FOCAD: variants seen among roughly 807,000 people sequenced by gnomAD.
The protein encoded by FOCAD is KIAA1797.
Under a neutral mutation model 225.6 loss-of-function variants are expected in FOCAD, and 198 were observed. The ratio of observed to expected loss-of-function variants is 0.88; its 90% CI spans 0.78 to 0.99. The LOEUF (loss-of-function observed/expected upper bound fraction) is 0.99, where lower values mean the gene tolerates loss of function less well. Among genes scored for constraint, FOCAD ranks in the 50% least tolerant of loss-of-function variants. The pLI is 0.00. For missense variants in FOCAD, 2,713 were observed against 2,123.6 expected (o/e 1.28, Z -5.46); for synonymous variants, 897 against 755.0 (o/e 1.19, Z -3.08).
chr9:20,801,734 A>G (rs1821860843), intron 11 of FOCAD, among the ~76,000 whole-genome samples: 1 of 152,024 alleles, frequency 6.6e-6, no homozygotes, highest in Non-Finnish European at 1.5e-5. Context: ...TTTCTATTGT[A>G]TTTCAGATTT....
At chr9:20,659,424 G>GAAAGAA (rs1821640398) in intron 2 of FOCAD, among the ~76,000 whole-genome samples, 3 of 140,354 alleles carry the variant, frequency 2.1e-5, no homozygotes, top group African/African-American at 8.3e-5. Flanking sequence ...AGAAAGAAAG[G>GAAAGAA]AGAAAGAAAG....
chr9:20,691,262 A>G (rs920495722), intron 1 of FOCAD, among the ~76,000 whole-genome samples: 2 of 151,930 alleles, frequency 1.3e-5, no homozygotes, highest in African/African-American at 4.8e-5. Flanking sequence ...TTCTTAAAGC[A>G]CTTTCTTCCC....
chr9:20,738,266 G>A (rs546084003), intron 4 of FOCAD, among the ~76,000 whole-genome samples: 57 of 152,290 alleles, frequency 3.7e-4, no homozygotes, highest in African/African-American at 1.3e-3. Flanking sequence ...GGTCCTCAAG[G>A]AGATGCCATG....
intron 15 of FOCAD, among the ~76,000 whole-genome samples, chr9:20,824,792 T>C (rs946182010): frequency 6.6e-6 from 1 of 152,118 alleles, no homozygotes; most frequent in Non-Finnish European, 1.5e-5. Context: ...TACCACTAAT[T>C]AGTTAAGTTC....
intron 35 of FOCAD, among the ~76,000 whole-genome samples, chr9:20,968,691 G>A (rs992805141): frequency 4.0e-5 from 6 of 151,512 alleles, no homozygotes; most frequent in African/African-American, 9.7e-5. Flanking sequence ...TGCCCACCTC[G>A]GCCTCCCAAA....
chr9:20,820,794 A>G (rs1564030569), intron 13 of FOCAD, 147 bp from the exon 14 acceptor site: 2 of 864,160 alleles, frequency 2.3e-6, no homozygotes. Flanking sequence ...TAATCACTAT[A>G]GCAATCTTCT....
intron 1 of FOCAD, among the ~76,000 whole-genome samples, chr9:20,696,919 G>A (rs1049023475): frequency 6.6e-6 from 1 of 152,182 alleles, no homozygotes; most frequent in Admixed American, 6.5e-5. Flanking sequence ...TGGTGCCAAT[G>A]TAAAAGTCGG....
In FOCAD at chr9:20,740,434, A is replaced by T. The variant is rs17685673; in HGVS notation, c.392+94A>T. 0.34 allele frequency: 245,832 copies of T among 723,002 alleles called. 45,688 individuals are homozygous for T. The highest frequency in any genetic ancestry group is 0.39 in the Non-Finnish European group (169,027 of 438,270). The allele number at this position is 723,002 out of a possible 1,614,324, so 44.8% of individuals were successfully genotyped here. ...ATAATCCAGTAAGAATTAGTTATTTAATTCAGCAGGATATGCACACAGTGA... is the reference window on the plus strand; with the variant it reads ...ATAATCCAGTAAGAATTAGTTATTTTATTCAGCAGGATATGCACACAGTGA... On this transcript the variant is annotated intron_variant, in intron 5 of 43. Transcript: ENST00000338382.
intron 21 of FOCAD, among the ~76,000 whole-genome samples, chr9:20,903,067 C>A (rs940240807): frequency 6.6e-6 from 1 of 151,802 alleles, no homozygotes; most frequent in African/African-American, 2.4e-5. Context: ...CACATTCCTC[C>A]AACCAGCACC....
intron 4 of FOCAD, 82 bp from the exon 5 acceptor site, chr9:20,740,154 A>G: frequency 4.4e-6 from 4 of 907,680 alleles, no homozygotes. Context: ...TATTAAAATT[A>G]TTTTAAAATG....
intron 26 of FOCAD, among the ~76,000 whole-genome samples, chr9:20,926,642 G>C (rs953391765): frequency 6.6e-6 from 1 of 152,028 alleles, no homozygotes; most frequent in Non-Finnish European, 1.5e-5. Flanking sequence ...AATTAGCCGG[G>C]CGTGGTGGCA....
intron 35 of FOCAD, among the ~76,000 whole-genome samples, chr9:20,973,983 A>T (rs1587758013): frequency 1.2e-5 from 1 of 84,538 alleles, no homozygotes; most frequent in Admixed American, 1.2e-4. Flanking sequence ...TTTCCTGCTG[A>T]CTCTTGCTTC....
intron 22 of FOCAD, among the ~76,000 whole-genome samples, chr9:20,910,091 A>G (rs1346968950): frequency 2.0e-5 from 3 of 151,982 alleles, no homozygotes; most frequent in Admixed American, 6.6e-5. Flanking sequence ...GCCTTACCTA[A>G]TTTTTCCATA....
At chr9:20,907,904 A>G (rs569822548) in intron 22 of FOCAD, among the ~76,000 whole-genome samples, 6 of 152,050 alleles carry the variant, frequency 3.9e-5, no homozygotes, top group South Asian at 4.1e-4. Flanking sequence ...AGCCCTTATC[A>G]TGTTAGTTAT....
intron 5 of FOCAD, among the ~76,000 whole-genome samples, chr9:20,757,290 T>A (rs1829142346): frequency 6.6e-6 from 1 of 152,252 alleles, no homozygotes; most frequent in African/African-American, 2.4e-5. Context: ...CTAAAAATTG[T>A]ATAGTACTTA....
At chr9:20,777,231 A>T (rs1438082623) in intron 8 of FOCAD, among the ~76,000 whole-genome samples, 1 of 149,678 alleles carries the variant, frequency 6.7e-6, no homozygotes, top group Non-Finnish European at 1.5e-5. Flanking sequence ...ATGTCAAATT[A>T]TATTGTTTTC....
intron 24 of FOCAD, 50 bp from the exon 25 acceptor site, chr9:20,923,610 T>G (rs780922951): frequency 7.0e-7 from 1 of 1,437,634 alleles, no homozygotes; most frequent in Non-Finnish European, 9.7e-7. Flanking sequence ...CTTTCTCTTC[T>G]TCTGGTTAAT....
At position 20,687,147 on chromosome 9, in the gene FOCAD, T is replaced by C. The variant is rs1449603079; in HGVS notation, c.-33+2854T>C. On this transcript the variant is annotated intron_variant, in intron 1 of 43. Coordinates refer to ENST00000338382, the MANE Select transcript of FOCAD (RefSeq NM_001375567.1). ...ATGTTCCAAAACCCTTGACTTTAAATACTGTATAGCTTTCCATTGTTCATG... is the reference window on the plus strand; with the variant it reads ...ATGTTCCAAAACCCTTGACTTTAAACACTGTATAGCTTTCCATTGTTCATG... 3.9e-5 allele frequency among the ~76,000 whole-genome samples: 6 copies of C among 152,318 alleles called. No individual in the cohort carries two copies. In the South Asian group the frequency reaches 1.2e-3, roughly 32 times the overall value.
In FOCAD at chr9:20,798,185, T is replaced by G. The variant is rs1256015770; in HGVS notation, c.1455+8577T>G. The stretch of plus-strand genomic sequence containing the variant: ...CGTATGTTGAACCAGCCTTGCATCC[T>G]AGGGATGAAGCCCACTTGATCATGG... On this transcript the variant is annotated intron_variant, in intron 11 of 43. Transcript: ENST00000338382. 2.6e-5 allele frequency among the ~76,000 whole-genome samples: 4 copies of G among 152,172 alleles called. No homozygotes were observed. The South Asian group carries it at 6.2e-4, about 24-fold the overall frequency.
Sources: gnomAD v4.1 joint callset for allele counts (sites outside exome capture counted in the v4.1 genomes callset) on GRCh38, gnomAD v4.1.1 for gene constraint, MANE v1.5 for transcripts, NCBI Gene and HGNC (gene_info 2026-07-23, HGNC 2026-07-21) for gene names.